Variants in XYLT1 observed in about 807,000 individuals in gnomAD.
The protein encoded by XYLT1 is beta-D-xylosyltransferase 1.
A neutral mutation model predicts 91.3 loss-of-function variants in XYLT1; 36 were observed. That is an observed-to-expected ratio of 0.39 (90% CI 0.30 to 0.52). The LOEUF (loss-of-function observed/expected upper bound fraction) is 0.52. Among genes scored for constraint, XYLT1 ranks in the 20% least tolerant of loss-of-function variants. The pLI is 0.68. For synonymous variants in XYLT1, 588 were observed against 532.0 expected (o/e 1.11, Z -1.45); for missense variants, 1,242 against 1,284.5 (o/e 0.97, Z 0.51).
chr16:17,315,889 C>T (rs1234902342), intron 2 of XYLT1, among the ~76,000 whole-genome samples: 1 of 152,150 alleles, frequency 6.6e-6, no homozygotes, highest in Non-Finnish European at 1.5e-5. Context: ...GAGGTCCTTA[C>T]CACTGCATTA....
chr16:17,309,071 G>A (rs747759862), intron 2 of XYLT1, among the ~76,000 whole-genome samples: 30 of 152,130 alleles, frequency 2.0e-4, no homozygotes, highest in Non-Finnish European at 2.9e-4. Context: ...AAAGATATGC[G>A]CCTAATGCAA....
rs1398271243 is a variant in XYLT1, at chr16:17,173,319, C to T, written c.1290-14410G>A. On this transcript the variant is annotated intron_variant, in intron 5 of 11. Transcript: ENST00000261381. Reference sequence around the variant, plus strand: ...TTTATGTTACAGCTACTATGAGTCACGTGCTGTTTCAGATGCTGGAGAAAC... The same window carrying T: ...TTTATGTTACAGCTACTATGAGTCATGTGCTGTTTCAGATGCTGGAGAAAC... Among the ~76,000 whole-genome samples, 16 of 152,374 alleles carry T rather than the reference C, an allele frequency of 1.1e-4. No individual in the cohort carries two copies. The East Asian group carries it at 1.9e-3, about 18-fold the overall frequency.
intron 1 of XYLT1, among the ~76,000 whole-genome samples, chr16:17,402,961 C>T (rs2141903175): frequency 6.6e-6 from 1 of 151,308 alleles, no homozygotes; most frequent in Admixed American, 6.6e-5. Context: ...GATGGATATA[C>T]CCTATTTTCT....
chr16:17,209,502 T>C (rs771993765), intron 3 of XYLT1, among the ~76,000 whole-genome samples: 3 of 152,228 alleles, frequency 2.0e-5, no homozygotes, highest in Non-Finnish European at 2.9e-5. Context: ...TTCAATTCTT[T>C]GGAGTATATT....
At chr16:17,390,195 AG>A (rs1490317438) in intron 1 of XYLT1, among the ~76,000 whole-genome samples, 1 of 152,142 alleles carries the variant, frequency 6.6e-6, no homozygotes, top group East Asian at 1.9e-4. Flanking sequence ...GGCGAGTACA[AG>A]GAATATAGGG....
chr16:17,217,032 A>T (rs1386566273), intron 3 of XYLT1, among the ~76,000 whole-genome samples: 1 of 152,262 alleles, frequency 6.6e-6, no homozygotes, highest in Non-Finnish European at 1.5e-5. Context: ...TGGAACATAC[A>T]GTAAATTCCT....
chr16:17,308,796 G>A (rs1226837187), intron 2 of XYLT1, among the ~76,000 whole-genome samples: 1 of 152,080 alleles, frequency 6.6e-6, no homozygotes, highest in African/African-American at 2.4e-5. Context: ...CATGGTAGAT[G>A]CCCAATAAAT....
intron 1 of XYLT1, among the ~76,000 whole-genome samples, chr16:17,361,299 A>G (rs1319543859): frequency 6.6e-6 from 1 of 152,206 alleles, no homozygotes; most frequent in African/African-American, 2.4e-5. Flanking sequence ...CACAATCTAC[A>G]GCGTGCAGCC....
intron 1 of XYLT1, among the ~76,000 whole-genome samples, chr16:17,383,950 G>A (rs1311725909): frequency 6.6e-6 from 1 of 151,834 alleles, no homozygotes; most frequent in East Asian, 2.0e-4. Context: ...GTTTCGCCAT[G>A]TGGGCCAGGC....
At chr16:17,244,309 C>T (rs1262990714) in intron 3 of XYLT1, among the ~76,000 whole-genome samples, 1 of 152,064 alleles carries the variant, frequency 6.6e-6, no homozygotes, top group African/African-American at 2.4e-5. Context: ...GTGTGGCCGG[C>T]AAGCACTGTC....
chr16:17,127,349 C>A (rs2030296091), intron 10 of XYLT1, among the ~76,000 whole-genome samples: 1 of 152,200 alleles, frequency 6.6e-6, no homozygotes, highest in East Asian at 1.9e-4. Flanking sequence ...CTATAAGCCT[C>A]AGTTCTCCAT....
intron 1 of XYLT1, among the ~76,000 whole-genome samples, chr16:17,438,525 T>C (rs148135482): frequency 5.1e-4 from 77 of 152,280 alleles, no homozygotes; most frequent in Admixed American, 1.4e-3. Flanking sequence ...ACTGATAGCA[T>C]GGGTGCCTGA....
At chr16:17,434,141 G>A (rs1040107502) in intron 1 of XYLT1, among the ~76,000 whole-genome samples, 3 of 152,158 alleles carry the variant, frequency 2.0e-5, no homozygotes, top group Non-Finnish European at 4.4e-5. Context: ...GACAGCATGG[G>A]AATGACCCAC....
chr16:17,206,495 T>C (rs1031130403), intron 3 of XYLT1, among the ~76,000 whole-genome samples: 1 of 152,096 alleles, frequency 6.6e-6, no homozygotes, highest in Non-Finnish European at 1.5e-5. Flanking sequence ...CACGGGGGCC[T>C]GGGCAAGTCA....
chr16:17,116,310 C>G (rs1320198782), intron 11 of XYLT1, among the ~76,000 whole-genome samples: 4 of 152,166 alleles, frequency 2.6e-5, no homozygotes. Flanking sequence ...GGATGGAAAC[C>G]CTGACCTGAA....
intron 1 of XYLT1, among the ~76,000 whole-genome samples, chr16:17,436,428 T>C (rs1461875506): frequency 6.6e-6 from 1 of 152,172 alleles, no homozygotes; most frequent in Admixed American, 6.5e-5. Flanking sequence ...TTTCAGGAGT[T>C]TGCTGTGGTC....
chr16:17,431,403 G>A (rs2036389514), intron 1 of XYLT1, among the ~76,000 whole-genome samples: 1 of 152,134 alleles, frequency 6.6e-6, no homozygotes, highest in African/African-American at 2.4e-5. Context: ...GAGGCTGCGT[G>A]TCCAAGGACC....
At chr16:17,429,569 C>T (rs2036364549) in intron 1 of XYLT1, among the ~76,000 whole-genome samples, 1 of 152,166 alleles carries the variant, frequency 6.6e-6, no homozygotes, top group South Asian at 2.1e-4. Flanking sequence ...CCACGGGGTG[C>T]CCAAATTAAA....
chr16:17,362,768 T>C lies in XYLT1; in HGVS notation c.364-4718A>G, dbSNP rs2035401456. ...GGAAAGCATGTTCTCTTCCTTTGCTTTGAGGACATTCAGAAGACAGTGCTT... is the reference window on the plus strand; with the variant it reads ...GGAAAGCATGTTCTCTTCCTTTGCTCTGAGGACATTCAGAAGACAGTGCTT... On this transcript the variant is annotated intron_variant, in intron 1 of 11. Transcript: ENST00000261381. 2.6e-5 allele frequency among the ~76,000 whole-genome samples: 4 copies of C among 152,220 alleles called. No individual in the cohort carries two copies. In the South Asian group the frequency reaches 8.3e-4, roughly 31 times the overall value.
Sources: allele counts gnomAD v4.1 joint callset (sites outside exome capture counted in the v4.1 genomes callset), GRCh38; gene constraint gnomAD v4.1.1; transcripts MANE v1.5; gene names NCBI Gene and HGNC (gene_info 2026-07-23, HGNC 2026-07-21).